The following IPO9 variants were observed in gnomAD, a reference collection of about 807,000 sequenced individuals.
IPO9 encodes the protein importin 9.
Under a neutral mutation model 128.6 loss-of-function variants are expected in IPO9, and 28 were observed. That is an observed-to-expected ratio of 0.22 (90% CI 0.16 to 0.30). The LOEUF (loss-of-function observed/expected upper bound fraction) is 0.30. IPO9 is among the 10% of genes least tolerant of loss of function. The pLI, the probability that IPO9 is intolerant of heterozygous loss-of-function variation, is 1.00. For synonymous variants in IPO9, 455 were observed against 475.8 expected, an observed-to-expected ratio of 0.96 and a Z score of 0.57; for missense variants, 935 against 1,293.9, an observed-to-expected ratio of 0.72 and a Z score of 4.26.
In IPO9 at chr1:201,870,130, C is replaced by G. The variant is rs2047262; in HGVS notation, c.2133+412C>G. ...GTGAATTGGTTACCTTTTCAGGTGT[C>G]TGCTACTGTGATTGATTAGAAAGGT... On this transcript the variant is annotated intron_variant, in intron 17 of 23. Coordinates refer to ENST00000361565, the MANE Select transcript of IPO9 (RefSeq NM_018085.5). This position sits in a 1 kb window ranked among gnomAD's most constrained non-coding sequence, Gnocchi z 4.9. 0.98 allele frequency among the ~76,000 whole-genome samples: 148,797 copies of G among 152,296 alleles called. 72,802 individuals are homozygous for G. The highest frequency in any genetic ancestry group is 1 in the East Asian group (5,182 of 5,182).
intron 10 of IPO9, among the ~76,000 whole-genome samples, chr1:201,856,145 TTTTC>T (rs1017468992): frequency 1.3e-5 from 2 of 150,832 alleles, no homozygotes; most frequent in African/African-American, 4.9e-5. Context: ...TTTTTTTTTT[TTTTC>T]CCAGCAAAGT....
At chr1:201,847,703 A>C (rs1680146510) in intron 3 of IPO9, 65 bp downstream of exon 3, 3 of 1,134,056 alleles carry the variant, frequency 2.6e-6, no homozygotes, top group Non-Finnish European at 4.0e-6. Flanking sequence ...AGATTAGACT[A>C]TAACATTCTT....
chr1:201,842,340 T>C (rs1680050029), intron 1 of IPO9, among the ~76,000 whole-genome samples: 1 of 152,140 alleles, frequency 6.6e-6, no homozygotes, highest in Non-Finnish European at 1.5e-5. Flanking sequence ...AGAAGTGTGT[T>C]CTTTGGCATT....
At chr1:201,869,271 T>C (rs1680608558) in intron 16 of IPO9, among the ~76,000 whole-genome samples, 2 of 152,006 alleles carry the variant, frequency 1.3e-5, no homozygotes, top group Non-Finnish European at 1.5e-5. Context: ...AGAAAGAAAA[T>C]GGCTCTTCTT....
rs369006182 is a variant in IPO9, at chr1:201,882,275, C to T, written c.*6221C>T. The T allele has an allele frequency of 2.0e-5, 3 of 151,550 alleles. No individual in the cohort carries two copies. Among genetic ancestry groups the T allele is most frequent in the Non-Finnish European group, 2.9e-5 (2 of 67,906 alleles). The allele number at this position is 151,550 out of a possible 1,614,324, so 9.4% of individuals were successfully genotyped here. A position where few individuals can be genotyped will look rare whatever the true frequency, so the allele number is the denominator to read the frequency against. ...TGAAACCCCGTCTCTACTAAAAATA[C>T]AAAAAAATTAGCTGGGCATGGTGGC... On this transcript the variant is annotated 3_prime_UTR_variant, in exon 24 of 24. Coordinates refer to ENST00000361565, the MANE Select transcript of IPO9 (RefSeq NM_018085.5).
chr1:201,855,842 C>T lies in IPO9; in HGVS notation c.1030C>T (p.Leu344=). The T allele has an allele frequency of 1.2e-6, 2 of 1,612,680 alleles. No homozygotes were observed. The highest frequency in any genetic ancestry group is 1.7e-6 in the Non-Finnish European group (2 of 1,179,572). The change falls in exon 10 of 24, where the codon CTA becomes TTA. Residue 344 remains leucine, a synonymous_variant. Coordinates refer to ENST00000361565, the MANE Select transcript of IPO9 (RefSeq NM_018085.5). ...FSIFEFVHAL[L]ENSKFKSTVK... ...CATTTTTGAATTTGTCCATGCTCTACTAGAAAATAGCAAATTCAAAAGCAC... is the reference window on the plus strand; with the variant it reads ...CATTTTTGAATTTGTCCATGCTCTATTAGAAAATAGCAAATTCAAAAGCAC...
At chr1:201,869,882 T>C (rs1012697279) in intron 17 of IPO9, among the ~76,000 whole-genome samples, 164 bp downstream of exon 17, 1 of 152,226 alleles carries the variant, frequency 6.6e-6, no homozygotes, top group Non-Finnish European at 1.5e-5. Context: ...AAGCCAAGCA[T>C]TTCTGGTGCT....
chr1:201,838,734 A>G (rs1679984509), intron 1 of IPO9, among the ~76,000 whole-genome samples: 1 of 152,214 alleles, frequency 6.6e-6, no homozygotes, highest in Admixed American at 6.5e-5. Context: ...TTAAAGGCAT[A>G]ATAAGAATGA....
chr1:201,858,986 A>G lies in IPO9; in HGVS notation c.1460A>G (p.Asn487Ser). ...ACCAATGTCATCCTTGCAGACCTCA[A>G]CCTCTCAGGTATGTTTCAGCACGTG... ...FLTNVILADL[N>S]LSVSPFLLGR... The change falls in exon 13 of 24, where the codon AAC becomes AGC. Residue 487 changes from asparagine (N) to serine (S), a missense_variant. Asn to Ser is a conservative substitution (Grantham distance 46). This residue lies in a region of IPO9 where 741 missense variants were observed against 1,019.1 expected (regional missense o/e 0.73). Coordinates refer to ENST00000361565, the MANE Select transcript of IPO9 (RefSeq NM_018085.5). The G allele has an allele frequency of 1.2e-6, 2 of 1,605,240 alleles. No homozygotes were observed. The highest frequency in any genetic ancestry group is 1.1e-5 in the South Asian group (1 of 90,504).
At position 201,829,261 on chromosome 1, in the gene IPO9, G is replaced by C; in HGVS notation, c.52G>C (p.Ala18Pro). 6.3e-7 allele frequency: 1 copy of C among 1,592,898 alleles called. No homozygotes were observed. Among genetic ancestry groups the C allele is most frequent in the Middle Eastern group, 1.8e-4 (1 of 5,650 alleles). The stretch of plus-strand genomic sequence containing the variant: ...GGCCTCCGGGCTGCCGGGTCCAGTG[G>C]CACAAGGATTAAAGGAAGCGTTAGT... ...GAASGLPGPV[A>P]QGLKEALVDT... is the part of the protein sequence containing the mutation. The change falls in exon 1 of 24, where the codon GCA becomes CCA. Residue 18 changes from alanine to proline, a missense_variant. By Grantham distance (27) the Ala-to-Pro change is conservative. This residue lies in a region of IPO9 where 741 missense variants were observed against 1,019.1 expected (regional missense o/e 0.73). Coordinates refer to ENST00000361565, the MANE Select transcript of IPO9 (RefSeq NM_018085.5).
At chr1:201,836,020 G>A (rs1196190044) in intron 1 of IPO9, among the ~76,000 whole-genome samples, 3 of 150,088 alleles carry the variant, frequency 2.0e-5, no homozygotes, top group Non-Finnish European at 4.4e-5. Flanking sequence ...GCTGAGGTAG[G>A]AGAATGGCCT....
intron 1 of IPO9, among the ~76,000 whole-genome samples, chr1:201,834,743 T>C (rs139182252): frequency 6.6e-6 from 1 of 152,356 alleles, no homozygotes; most frequent in African/African-American, 2.4e-5. Context: ...TCCCAGTAGA[T>C]AAGTCACAGA....
rs1010574668 is a variant in IPO9 at position 201,877,972 on chromosome 1, C to T, written c.*1918C>T. 6.6e-6 allele frequency: 1 copy of T among 152,108 alleles called. No individual in the cohort carries two copies. Among genetic ancestry groups the T allele is most frequent in the African/African-American group, 2.4e-5 (1 of 41,396 alleles). The allele number at this position is 152,108 out of a possible 1,614,324, so 9.4% of individuals were successfully genotyped here. On this transcript the variant is annotated 3_prime_UTR_variant, in exon 24 of 24. Transcript: ENST00000361565. ...AATATAAAGTGAATCTGAATCTCCA[C>T]TCAAGGGGATGGCCCCAAGGATATT...
chr1:201,861,464 C>T (rs559835814), intron 13 of IPO9, among the ~76,000 whole-genome samples: 3 of 152,288 alleles, frequency 2.0e-5, no homozygotes, highest in Admixed American at 6.5e-5. Flanking sequence ...CTTTGTGTTA[C>T]GTGAGTTTGC....
At position 201,863,588 on chromosome 1, in the gene IPO9, G is replaced by A. The variant is rs1243286261; in HGVS notation, c.1609G>A (p.Ala537Thr). 1 of 1,591,162 alleles carries A rather than the reference G, an allele frequency of 6.3e-7. No homozygotes were observed. The highest frequency in any genetic ancestry group is 1.3e-5 in the African/African-American group (1 of 74,570). ...ACAGCCCCCATCAGTTCGAATTTCT[G>A]CAGTGAGAGCCATCTGGGGGTGAGT... ...ETQPPSVRISAVRAIWGYCDQ... is the reference protein window; with the variant it reads ...ETQPPSVRISTVRAIWGYCDQ... Residue 537 changes from alanine (A) to threonine (T), a missense_variant, in exon 14 of 24, where the codon GCA becomes ACA. Physicochemically the swap from Ala to Thr is moderately conservative, Grantham distance 58. Around this residue, in one of 3 missense-constraint regions of IPO9, gnomAD observed 741 missense variants for 1,019.1 expected, o/e 0.73. Transcript: ENST00000361565.
rs887270176 is a variant in IPO9, at chr1:201,878,594, G to C, written c.*2540G>C. On this transcript the variant is annotated 3_prime_UTR_variant, in exon 24 of 24. Transcript: ENST00000361565. The stretch of plus-strand genomic sequence containing the variant: ...GAAAGGGCCCTAGTAACACTTAAGG[G>C]CTACCCCTGGCTAACAGATACTCGG... 2 of 152,588 alleles carry C rather than the reference G, an allele frequency of 1.3e-5. No homozygotes were observed. Among genetic ancestry groups the C allele is most frequent in the African/African-American group, 4.8e-5 (2 of 41,416 alleles). The allele number at this position is 152,588 out of a possible 1,614,324, so 9.5% of individuals were successfully genotyped here.
chr1:201,870,612 G>A lies in IPO9; in HGVS notation c.2163G>A (p.Val721=). The stretch of plus-strand genomic sequence containing the variant: ...GCGGAGAGTGCTTGCGGGCCTATGT[G>A]TCAGTGACCCTGGAACAAGTAGCCC... The part of the protein sequence containing the change: ...QNGGECLRAY[V]SVTLEQVAQW... The change falls in exon 18 of 24, where the codon GTG becomes GTA. Residue 721 remains valine, a synonymous_variant. Transcript: ENST00000361565. This position sits in a 1 kb window ranked among gnomAD's most constrained non-coding sequence, Gnocchi z 4.9. 1.2e-6 allele frequency: 2 copies of A among 1,614,148 alleles called. No individual in the cohort carries two copies. The highest frequency in any genetic ancestry group is 1.7e-6 in the Non-Finnish European group (2 of 1,180,020).
At position 201,872,933 on chromosome 1, in the gene IPO9, C is replaced by T; in HGVS notation, c.2682C>T (p.Gly894=). 1 of 1,613,532 alleles carries T rather than the reference C, an allele frequency of 6.2e-7. No homozygotes were observed. Among genetic ancestry groups the T allele is most frequent in the South Asian group, 1.1e-5 (1 of 90,990 alleles). ...KGEEIYSMDE[G]IRTRSKSAKN... ...AGGAGATCTACAGCATGGATGAGGG[C>T]ATCCGCACCCGCTCTAAGTCAGCCA... The change falls in exon 20 of 24, where the codon GGC becomes GGT. Residue 894 remains glycine, a synonymous_variant. Coordinates refer to ENST00000361565, the MANE Select transcript of IPO9 (RefSeq NM_018085.5).
At chr1:201,873,566 A>G (rs1680701345) in intron 20 of IPO9, among the ~76,000 whole-genome samples, 1 of 149,944 alleles carries the variant, frequency 6.7e-6, no homozygotes, top group Non-Finnish European at 1.5e-5. Context: ...TGACCAACAT[A>G]GAGAAACCCC....
Sources: gnomAD v4.1 joint callset for allele counts (sites outside exome capture counted in the v4.1 genomes callset) on GRCh38, gnomAD v4.1.1 for gene constraint, gnomAD v4.1.1 regional missense constraint, Gnocchi (gnomAD v3.1) non-coding constraint, MANE v1.5 for transcripts, NCBI Gene and HGNC (gene_info 2026-07-23, HGNC 2026-07-21) for gene names.